Variants in COL4A4 observed in about 807,000 individuals in gnomAD.
The protein encoded by COL4A4 is collagen alpha-4(IV) chain.
COL4A4 carries 105 observed loss-of-function variants against 192.9 expected under a neutral mutation model. That is an observed-to-expected ratio of 0.54 (90% confidence interval 0.46 to 0.64). The LOEUF is 0.64. COL4A4 is among the 30% of genes least tolerant of loss of function. The pLI is 0.00. For missense variants in COL4A4, 1,967 were observed against 2,169.3 expected (o/e 0.91, Z 1.85); for synonymous variants, 762 against 769.9 (o/e 0.99, Z 0.17).
chr2:227,053,671 C>T (rs982825440), intron 31 of COL4A4, among the ~76,000 whole-genome samples: 1 of 151,328 alleles, frequency 6.6e-6, no homozygotes, highest in African/African-American at 2.4e-5. Context: ...CCTCAGCCTC[C>T]CGAGTAGCTG....
At chr2:227,091,922 G>GAAAAGAAAAGAAAAGAAAAGA (rs5839192) in intron 20 of COL4A4, among the ~76,000 whole-genome samples, 1 of 60,352 alleles carries the variant, frequency 1.7e-5, no homozygotes, top group African/African-American at 4.4e-5. Context: ...AAGAAAGAAA[G>GAAAAGAAAAGAAAAGAAAAGA]AAAGAAAAGA....
intron 43 of COL4A4, 131 bp from the exon 44 acceptor site, chr2:227,022,304 A>G: frequency 3.3e-6 from 4 of 1,202,792 alleles, no homozygotes; most frequent in Non-Finnish European, 5.0e-6. Context: ...AAAATTCAGT[A>G]TAAATGTTTG....
chr2:227,095,048 G>A (rs1191217948), intron 19 of COL4A4, among the ~76,000 whole-genome samples: 3 of 152,134 alleles, frequency 2.0e-5, no homozygotes, highest in Non-Finnish European at 4.4e-5. Context: ...AAAATGTCTT[G>A]CCTCCTTTGA....
intron 20 of COL4A4, among the ~76,000 whole-genome samples, chr2:227,092,096 A>C (rs2059973815): frequency 6.6e-6 from 1 of 152,132 alleles, no homozygotes; most frequent in Non-Finnish European, 1.5e-5. Flanking sequence ...GAGCTTCCAG[A>C]AAGGAAAATG....
In COL4A4 at chr2:227,078,091, G is replaced by A; in HGVS notation, c.1804-14C>T. 6.2e-7 allele frequency: 1 copy of A among 1,613,562 alleles called. No homozygotes were observed. The highest frequency in any genetic ancestry group is 8.5e-7 in the Non-Finnish European group (1 of 1,179,756). ...TTCATGATCCCCCTGGGAATGTTAT[G>A]TCATGAGTCAATTACCAACCACTGA... On this transcript the variant is annotated splice_polypyrimidine_tract_variant and intron_variant, in intron 24 of 47. Transcript: ENST00000396625.
At chr2:227,151,161 T>A (rs1230975748) in intron 1 of COL4A4, among the ~76,000 whole-genome samples, 1 of 152,208 alleles carries the variant, frequency 6.6e-6, no homozygotes. Flanking sequence ...TTCCCCCACA[T>A]ATATCCTAAT....
At chr2:226,969,723 G>A in the COL4A4 span, among the ~76,000 whole-genome samples, 25 of 152,272 alleles carry the variant, frequency 1.6e-4, no homozygotes, top group African/African-American at 5.3e-4. Flanking sequence ...ATATGTTCCT[G>A]AGTCACTTAT....
At position 227,108,843 on chromosome 2, in the gene COL4A4, G is replaced by T. The variant is rs749481247; in HGVS notation, c.683C>A (p.Pro228Gln). ...CTCATGACTGCCTACCTTCAAACCT[G>T]GACGCCCTGGTTGGCCCGGAGGTCC... ...LVGPPGQPGRPGLKGNPGVGV... is the reference protein window; with the variant it reads ...LVGPPGQPGRQGLKGNPGVGV... The change falls in exon 11 of 48, where the codon CCA becomes CAA. Residue 228 changes from proline (P) to glutamine (Q), a missense_variant. Coordinates refer to ENST00000396625, the MANE Select transcript of COL4A4 (RefSeq NM_000092.5). 1.7e-5 allele frequency: 27 copies of T among 1,611,882 alleles called. No individual in the cohort carries two copies. In the South Asian group the frequency reaches 2.5e-4, roughly 15 times the overall value.
Position 227,051,051 on chromosome 2 carries a change from G to A in COL4A4, c.3076C>T (p.Pro1026Ser), listed in dbSNP as rs1198659988. 6 of 1,614,056 alleles carry A rather than the reference G, an allele frequency of 3.7e-6. No individual in the cohort carries two copies. In the African/African-American group the frequency reaches 8.0e-5, roughly 22 times the overall value. The change falls in exon 33 of 48, where the codon CCT becomes TCT. Residue 1026 changes from proline (P) to serine (S), a missense_variant. Physicochemically the swap from Pro to Ser is moderately conservative, Grantham distance 74. Transcript: ENST00000396625. Reference protein sequence around the residue: ...EPGEKGQPGPPGPPGPPGSTG... With the variant: ...EPGEKGQPGPSGPPGPPGSTG... ...GAGCCTGGAGGGCCTGGGGGTCCAG[G>A]AGGCCCTGGCTGACCTTTCTCACCA...
At chr2:226,995,648 G>C in the COL4A4 span, 1 of 703,622 alleles carries the variant, frequency 1.4e-6, no homozygotes, top group Non-Finnish European at 2.5e-6. Context: ...GCTCCAGATC[G>C]CTCACATCAC....
chr2:227,162,166 T>C lies in COL4A4; in HGVS notation c.-102+1841A>G, dbSNP rs111852578. 3.4e-3 allele frequency among the ~76,000 whole-genome samples: 525 copies of C among 152,316 alleles called. 4 individuals carry two copies. Among genetic ancestry groups the C allele is most frequent in the African/African-American group, 0.012 (491 of 41,562 alleles). On this transcript the variant is annotated intron_variant, in intron 1 of 47. Transcript: ENST00000396625. ...AGAGGTCAAGCTCTCCAGCATTGCC[T>C]CTTTCTTGCTGTATTTACATCACAA...
At chr2:227,143,180 T>C (rs2063334849) in intron 3 of COL4A4, among the ~76,000 whole-genome samples, 1 of 152,218 alleles carries the variant, frequency 6.6e-6, no homozygotes. Context: ...TCCAAAGTAA[T>C]ACATATGCCT....
intron 38 of COL4A4, 71 bp downstream of exon 38, chr2:227,033,339 G>C: frequency 1.5e-6 from 2 of 1,295,608 alleles, no homozygotes; most frequent in Non-Finnish European, 2.2e-6. Flanking sequence ...AGAAATACCA[G>C]GGAGGGTACC....
chr2:227,050,872 T>G, intron 33 of COL4A4, 105 bp downstream of exon 33: 1 of 1,338,636 alleles, frequency 7.5e-7, no homozygotes, highest in South Asian at 1.2e-5. Context: ...TAAAAGCCAG[T>G]GAAAGGGCAA....
intron 2 of COL4A4, among the ~76,000 whole-genome samples, chr2:227,145,056 G>A (rs181048217): frequency 1.3e-5 from 2 of 152,162 alleles, no homozygotes; most frequent in African/African-American, 4.8e-5. Flanking sequence ...TTAGGGAAAA[G>A]TTATGTAGTC....
intron 4 of COL4A4, among the ~76,000 whole-genome samples, chr2:227,124,474 A>G (rs75376415): frequency 6.6e-6 from 1 of 152,252 alleles, no homozygotes; most frequent in Middle Eastern, 3.2e-3. Context: ...TTACAAATCA[A>G]AACTATATTT....
intron 4 of COL4A4, among the ~76,000 whole-genome samples, chr2:227,126,380 T>C (rs184747576): frequency 2.3e-4 from 35 of 152,360 alleles, no homozygotes; most frequent in Admixed American, 1.8e-3. Context: ...ACAGTAATTA[T>C]GCAAAATGGC....
At chr2:227,060,607 A>G (rs921463865) in intron 26 of COL4A4, among the ~76,000 whole-genome samples, 1 of 152,228 alleles carries the variant, frequency 6.6e-6, no homozygotes, top group Non-Finnish European at 1.5e-5. Flanking sequence ...GGTGGTGGCC[A>G]GTGTCTACCT....
chr2:227,038,458 T>C (rs1970132940), intron 37 of COL4A4, among the ~76,000 whole-genome samples: 1 of 152,216 alleles, frequency 6.6e-6, no homozygotes, highest in Non-Finnish European at 1.5e-5. Context: ...CATGCTGTTA[T>C]GGTTACTGTA....
Sources: gnomAD v4.1 joint callset for allele counts (sites outside exome capture counted in the v4.1 genomes callset) on GRCh38, gnomAD v4.1.1 for gene constraint, MANE v1.5 for transcripts, NCBI Gene and HGNC (gene_info 2026-07-23, HGNC 2026-07-21) for gene names.